Variants in TENT5B observed in about 807,000 individuals in gnomAD.
TENT5B encodes terminal nucleotidyltransferase 5B.
A neutral mutation model predicts 21.7 loss-of-function variants in TENT5B; 12 were observed. That is an observed-to-expected ratio of 0.55 (90% CI 0.36 to 0.90). The LOEUF is 0.90. Among genes scored for constraint, TENT5B ranks in the 40% least tolerant of loss-of-function variants. TENT5B has a pLI of 0.01. For missense variants in TENT5B, 540 were observed against 601.5 expected, an observed-to-expected ratio of 0.90 and a Z score of 1.07; for synonymous variants, 262 against 266.6, an observed-to-expected ratio of 0.98 and a Z score of 0.17.
chr1:27,010,058 C>T (rs534267621), intron 1 of TENT5B, among the ~76,000 whole-genome samples: 4 of 152,318 alleles, frequency 2.6e-5, no homozygotes, highest in African/African-American at 9.6e-5. Context: ...TGACAGACGC[C>T]GTCAGCCAGC....
At chr1:27,008,971 ATCCT>A (rs1191384993) in intron 1 of TENT5B, among the ~76,000 whole-genome samples, 1 of 65,588 alleles carries the variant, frequency 1.5e-5, no homozygotes, top group Non-Finnish European at 2.9e-5. Flanking sequence ...CCTTTCCTCC[ATCCT>A]TCTTTTTTTT....
Position 27,012,850 on chromosome 1 carries a change from T to C in TENT5B, c.-180A>G, listed in dbSNP as rs1164174895. 1.8e-5 allele frequency: 15 copies of C among 824,328 alleles called. No individual in the cohort carries two copies. Among genetic ancestry groups the C allele is most frequent in the Non-Finnish European group, 2.4e-5 (14 of 577,488 alleles). The allele number at this position is 824,328 out of a possible 1,614,324, so 51.1% of individuals were successfully genotyped here. A position where few individuals can be genotyped will look rare whatever the true frequency, so the allele number is the denominator to read the frequency against. ...GCGACGACTAACCGACCCTAGCGCC[T>C]GCAGCCCGCGGCCCAGCGGACTCTT... On this transcript the variant is annotated 5_prime_UTR_variant, in exon 1 of 2. Coordinates refer to ENST00000289166, the MANE Select transcript of TENT5B (RefSeq NM_052943.4).
At chr1:27,008,167 T>C (rs1053923797) in intron 1 of TENT5B, among the ~76,000 whole-genome samples, 5 of 152,094 alleles carry the variant, frequency 3.3e-5, no homozygotes, top group Non-Finnish European at 4.4e-5. Flanking sequence ...AGGTACCAGG[T>C]AGGGAGAAGA....
intron 1 of TENT5B, among the ~76,000 whole-genome samples, chr1:27,009,532 C>T (rs1255554567): frequency 6.6e-6 from 1 of 152,254 alleles, no homozygotes; most frequent in Non-Finnish European, 1.5e-5. Context: ...TGGGAGATGC[C>T]TTGGCCAGAC....
rs2082590599 is a variant in TENT5B at position 27,005,211 on chromosome 1, AGGCAGGAGGGCTCCTTGCAACAC to A, written c.*710_*732del. The A allele has an allele frequency of 6.5e-6, 1 of 152,738 alleles. No homozygotes were observed. Among genetic ancestry groups the A allele is most frequent in the African/African-American group, 2.4e-5 (1 of 41,428 alleles). The allele number at this position is 152,738 out of a possible 1,614,324, so 9.5% of individuals were successfully genotyped here. A position where few individuals can be genotyped will look rare whatever the true frequency, so the allele number is the denominator to read the frequency against. On this transcript the variant is annotated 3_prime_UTR_variant, in exon 2 of 2. Coordinates refer to ENST00000289166, the MANE Select transcript of TENT5B (RefSeq NM_052943.4). ...AGCACCTTCCAAAGAACAAGCTCCC[AGGCAGGAGGGCTCCTTGCAACAC>A]AAGGGGGAAAGGAGTGGCACCCTGG... is the stretch of plus-strand genomic sequence containing the variant.
intron 1 of TENT5B, among the ~76,000 whole-genome samples, chr1:27,007,429 C>G (rs1331850689): frequency 6.7e-6 from 1 of 150,248 alleles, no homozygotes; most frequent in Admixed American, 6.6e-5. Context: ...TCTCACTTTG[C>G]CACTCAGGTT....
In TENT5B at chr1:27,006,548, G is replaced by T. The variant is rs771190381; in HGVS notation, c.674C>A (p.Ser225Tyr). 3.1e-6 allele frequency: 5 copies of T among 1,614,180 alleles called. No individual in the cohort carries two copies. Residue 225 changes from serine to tyrosine, a missense_variant, in exon 2 of 2, where the codon TCC becomes TAC. Coordinates refer to ENST00000289166, the MANE Select transcript of TENT5B (RefSeq NM_052943.4). This position sits in a 1 kb window ranked among gnomAD's most constrained non-coding sequence, Gnocchi z 9.4. The part of the protein sequence containing the change: ...SIDSFQIILD[S>Y]LLLFGQCSST... ...CGAGCACTGGCCAAAGAGCAACAGG[G>T]AGTCCAGGATGATCTGGAAGGAGTC... is the stretch of plus-strand genomic sequence containing the variant.
At chr1:27,009,152 A>G (rs1314634477) in intron 1 of TENT5B, among the ~76,000 whole-genome samples, 2 of 151,442 alleles carry the variant, frequency 1.3e-5, no homozygotes, top group Non-Finnish European at 2.9e-5. Flanking sequence ...TATTGTTTAC[A>G]GTGATGGAAT....
chr1:27,006,544 C>T lies in TENT5B; in HGVS notation c.678G>A (p.Leu226=). The stretch of plus-strand genomic sequence containing the variant: ...TGGACGAGCACTGGCCAAAGAGCAA[C>T]AGGGAGTCCAGGATGATCTGGAAGG... The part of the protein sequence containing the change: ...IDSFQIILDS[L]LLFGQCSSTP... Residue 226 remains leucine (L), a synonymous_variant, in exon 2 of 2, where the codon CTG becomes CTA. Coordinates refer to ENST00000289166, the MANE Select transcript of TENT5B (RefSeq NM_052943.4). The surrounding 1 kb of genome is among the most constrained non-coding windows in gnomAD (Gnocchi z 9.4). The T allele has an allele frequency of 1.2e-6, 2 of 1,614,172 alleles. No individual in the cohort carries two copies. Among genetic ancestry groups the T allele is most frequent in the Non-Finnish European group, 1.7e-6 (2 of 1,180,042 alleles).
Position 27,010,499 on chromosome 1 carries a change from G to A in TENT5B, c.264+1908C>T, listed in dbSNP as rs181114218. Among the ~76,000 whole-genome samples the A allele has an allele frequency of 1.6e-3, 244 of 151,028 alleles. 1 individual carries two copies. The highest frequency in any genetic ancestry group is 5.6e-3 in the African/African-American group (230 of 41,014). ...GGATTTCTTCCAAGAAACTTTCTTCGCTGTGGAGGCAGCTGTACAGACCAG... is the reference window on the plus strand; with the variant it reads ...GGATTTCTTCCAAGAAACTTTCTTCACTGTGGAGGCAGCTGTACAGACCAG... On this transcript the variant is annotated intron_variant, in intron 1 of 1. Coordinates refer to ENST00000289166, the MANE Select transcript of TENT5B (RefSeq NM_052943.4).
chr1:27,011,178 G>A (rs1433897005), intron 1 of TENT5B, among the ~76,000 whole-genome samples: 2 of 152,136 alleles, frequency 1.3e-5, no homozygotes, highest in Non-Finnish European at 2.9e-5. Flanking sequence ...CCACTGGGCC[G>A]CGTGTGAGTC....
intron 1 of TENT5B, among the ~76,000 whole-genome samples, chr1:27,009,238 G>A (rs1291851763): frequency 6.6e-6 from 1 of 151,852 alleles, no homozygotes; most frequent in Non-Finnish European, 1.5e-5. Flanking sequence ...CAAAGTGCTG[G>A]GATTACAGGC....
chr1:27,010,463 C>A (rs540159439), intron 1 of TENT5B, among the ~76,000 whole-genome samples: 1 of 151,926 alleles, frequency 6.6e-6, no homozygotes, highest in South Asian at 2.1e-4. Context: ...GCTTTAGAAG[C>A]TGCCAGCTGT....
chr1:27,006,315 G>T lies in TENT5B; in HGVS notation c.907C>A (p.Arg303Ser), dbSNP rs1421063901. Residue 303 changes from arginine to serine, a missense_variant, in exon 2 of 2, where the codon CGC (arginine) becomes AGC (serine). Transcript: ENST00000289166. This position sits in a 1 kb window ranked among gnomAD's most constrained non-coding sequence, Gnocchi z 9.4. ...ATGAAGAAGCGGGAGCACATGTAGC[G>T]CTGCAGGGCGCGCACATCGGTGCTG... ...RPSTDVRALQ[R>S]YMCSRFFIDF... 6.2e-7 allele frequency: 1 copy of T among 1,611,002 alleles called. No homozygotes were observed. Among genetic ancestry groups the T allele is most frequent in the Admixed American group, 1.7e-5 (1 of 59,880 alleles).
At chr1:27,010,249 A>T (rs1276012708) in intron 1 of TENT5B, among the ~76,000 whole-genome samples, 1 of 152,190 alleles carries the variant, frequency 6.6e-6, no homozygotes, top group Non-Finnish European at 1.5e-5. Context: ...CAGTAGGGTG[A>T]GTCCCTTTAG....
At chr1:27,009,393 A>C (rs2082614620) in intron 1 of TENT5B, among the ~76,000 whole-genome samples, 1 of 152,252 alleles carries the variant, frequency 6.6e-6, no homozygotes, top group Non-Finnish European at 1.5e-5. Context: ...ACCACATTAC[A>C]GTCCCAGGGT....
Position 27,006,322 on chromosome 1 carries a change from G to T in TENT5B, c.900C>A (p.Ala300=). 6.2e-7 allele frequency: 1 copy of T among 1,610,960 alleles called. No individual in the cohort carries two copies. Among genetic ancestry groups the T allele is most frequent in the East Asian group, 2.2e-5 (1 of 44,820 alleles). Residue 300 remains alanine (A), a synonymous_variant, in exon 2 of 2, where the codon GCC becomes GCA. Coordinates refer to ENST00000289166, the MANE Select transcript of TENT5B (RefSeq NM_052943.4). The surrounding 1 kb of genome is among the most constrained non-coding windows in gnomAD (Gnocchi z 9.4). ...FRPRPSTDVR[A]LQRYMCSRFF... is the part of the protein sequence containing the mutation. ...AGCGGGAGCACATGTAGCGCTGCAG[G>T]GCGCGCACATCGGTGCTGGGCCGGG...
intron 1 of TENT5B, among the ~76,000 whole-genome samples, chr1:27,008,804 G>C (rs565119373): frequency 1.8e-4 from 28 of 151,840 alleles, no homozygotes; most frequent in Non-Finnish European, 3.7e-4. Flanking sequence ...GTTTCACCAT[G>C]TTGGCCAAGC....
intron 1 of TENT5B, among the ~76,000 whole-genome samples, chr1:27,011,066 T>TG (rs1400878507): frequency 1.3e-5 from 2 of 152,168 alleles, no homozygotes; most frequent in African/African-American, 4.8e-5. Context: ...GTGCAGCAGC[T>TG]GGGGCCCCAG....
Sources: gnomAD v4.1 joint callset for allele counts (sites outside exome capture counted in the v4.1 genomes callset) on GRCh38, gnomAD v4.1.1 for gene constraint, Gnocchi (gnomAD v3.1) non-coding constraint, MANE v1.5 for transcripts, NCBI Gene and HGNC (gene_info 2026-07-23, HGNC 2026-07-21) for gene names.